The following USP13 variants were observed in gnomAD, a reference collection of about 807,000 sequenced individuals.
USP13 encodes the protein ubiquitin specific peptidase 13.
A neutral mutation model predicts 107.8 loss-of-function variants in USP13; 68 were observed. That is an observed-to-expected ratio of 0.63 (90% CI 0.52 to 0.77). The LOEUF (loss-of-function observed/expected upper bound fraction) is 0.77, where lower values mean the gene tolerates loss of function less well. USP13 is among the 30% of genes least tolerant of loss of function. The pLI is 0.00. For synonymous variants in USP13, 377 were observed against 389.5 expected (o/e 0.97, Z 0.38); for missense variants, 945 against 1,093.3 (o/e 0.86, Z 1.91).
chr3:179,741,453 C>CT (rs964867559), intron 11 of USP13, among the ~76,000 whole-genome samples: 30 of 147,898 alleles, frequency 2.0e-4, no homozygotes, highest in Middle Eastern at 3.6e-3. Flanking sequence ...TTAGTGATAA[C>CT]TTTTTTTTTT....
intron 1 of USP13, among the ~76,000 whole-genome samples, chr3:179,676,171 C>T (rs1024288191): frequency 6.6e-6 from 1 of 152,182 alleles, no homozygotes; most frequent in African/African-American, 2.4e-5. Context: ...CTTCACCTTC[C>T]GCCATGATTT....
intron 10 of USP13, among the ~76,000 whole-genome samples, chr3:179,739,278 G>C (rs1370571206): frequency 6.6e-6 from 1 of 152,202 alleles, no homozygotes; most frequent in Non-Finnish European, 1.5e-5. Context: ...CGTCCTGCCA[G>C]AGTTGCCCTG....
intron 6 of USP13, among the ~76,000 whole-genome samples, chr3:179,710,464 C>G (rs769828642): frequency 1.3e-5 from 2 of 152,194 alleles, no homozygotes; most frequent in Admixed American, 6.5e-5. Context: ...GTTCTCAGAA[C>G]AGCCTGTTCA....
chr3:179,675,534 ATT>A (rs1306843567), intron 1 of USP13, among the ~76,000 whole-genome samples: 204 of 122,764 alleles, frequency 1.7e-3, no homozygotes, highest in African/African-American at 6.4e-3. Context: ...TCTGTAACCT[ATT>A]TTATTATTAT....
At position 179,745,094 on chromosome 3, in the gene USP13, G is replaced by T. The variant is rs145621262; in HGVS notation, c.1586G>T (p.Arg529Ile). 1.1e-4 allele frequency: 170 copies of T among 1,614,168 alleles called. 1 individual carries two copies. Among genetic ancestry groups the T allele is most frequent in the Non-Finnish European group, 1.4e-4 (162 of 1,180,038 alleles). ...AGAAGGGAAGCAGAAGCAAACAGAA[G>T]ACCCCTTCCTGAGTTGGTACGTGCC... is the stretch of plus-strand genomic sequence containing the variant. ...LTRREAEANRRPLPELVRAKI... is the reference protein window; with the variant it reads ...LTRREAEANRIPLPELVRAKI... The change falls in exon 13 of 21, where the codon AGA (arginine) becomes ATA (isoleucine). Residue 529 changes from arginine to isoleucine, a missense_variant. Arg to Ile is a moderately conservative substitution (Grantham distance 97, BLOSUM62 -3). Coordinates refer to ENST00000263966, the MANE Select transcript of USP13 (RefSeq NM_003940.3).
chr3:179,773,948 T>C (rs1400487654), intron 19 of USP13, among the ~76,000 whole-genome samples: 1 of 151,698 alleles, frequency 6.6e-6, no homozygotes, highest in South Asian at 2.1e-4. Flanking sequence ...AGTAGTGTGT[T>C]AGTAGTTTTA....
chr3:179,660,053 C>T (rs1344255945), intron 1 of USP13, among the ~76,000 whole-genome samples: 2 of 152,106 alleles, frequency 1.3e-5, no homozygotes, highest in Non-Finnish European at 2.9e-5. Flanking sequence ...AAAAAACAAA[C>T]AAACAAAACA....
At chr3:179,663,907 G>A (rs1413822641) in intron 1 of USP13, among the ~76,000 whole-genome samples, 1 of 152,170 alleles carries the variant, frequency 6.6e-6, no homozygotes, top group Non-Finnish European at 1.5e-5. Flanking sequence ...AGCCAGCTCA[G>A]ATGTTCTTTG....
intron 10 of USP13, among the ~76,000 whole-genome samples, chr3:179,734,831 A>G (rs950499563): frequency 2.0e-5 from 3 of 152,186 alleles, no homozygotes; most frequent in Non-Finnish European, 4.4e-5. Context: ...TCTTCCTTTT[A>G]TCCTGTGGTT....
chr3:179,666,177 T>C (rs1720582396), intron 1 of USP13, among the ~76,000 whole-genome samples: 1 of 152,170 alleles, frequency 6.6e-6, no homozygotes, highest in African/African-American at 2.4e-5. Flanking sequence ...AGGTTAGACC[T>C]GAGGGACCAG....
rs1278695486 is a variant in USP13 at position 179,678,884 on chromosome 3, T to A, written c.169-2994T>A. Among the ~76,000 whole-genome samples the A allele has an allele frequency of 6.6e-6, 1 of 152,246 alleles. No individual in the cohort carries two copies. Among genetic ancestry groups the A allele is most frequent in the African/African-American group, 2.4e-5 (1 of 41,474 alleles). The stretch of plus-strand genomic sequence containing the variant: ...TCTTACTAGTTGTTATTTTCACTAG[T>A]GTGTGTAGATTCCTTAGAATTTTCA... On this transcript the variant is annotated intron_variant, in intron 1 of 20. Coordinates refer to ENST00000263966, the MANE Select transcript of USP13 (RefSeq NM_003940.3). This position sits in a 1 kb window ranked among gnomAD's most constrained non-coding sequence, Gnocchi z 4.2.
In USP13 at chr3:179,784,807, C is replaced by T. The variant is rs898708999; in HGVS notation, c.*666C>T. The T allele has an allele frequency of 1.3e-5, 2 of 152,230 alleles. No homozygotes were observed. Among genetic ancestry groups the T allele is most frequent in the South Asian group, 4.2e-4 (2 of 4,818 alleles). 9.4% of individuals were successfully genotyped at this position (152,230 alleles called of 1,614,324 possible). A position where few individuals can be genotyped will look rare whatever the true frequency, so the allele number is the denominator to read the frequency against. Reference sequence around the variant, plus strand: ...AGTGAGTCCACTAGAAAATCTGTGACAAGTTGGTTTTTAAAGTCTGAACAG... The same window carrying T: ...AGTGAGTCCACTAGAAAATCTGTGATAAGTTGGTTTTTAAAGTCTGAACAG... On this transcript the variant is annotated 3_prime_UTR_variant, in exon 21 of 21. Transcript: ENST00000263966.
At chr3:179,671,284 G>A (rs538405888) in intron 1 of USP13, among the ~76,000 whole-genome samples, 86 of 152,258 alleles carry the variant, frequency 5.6e-4, no homozygotes, top group African/African-American at 2.0e-3. Flanking sequence ...ACTTTGAGTA[G>A]TGGGAATATA....
chr3:179,734,028 C>T (rs796334913), intron 10 of USP13, among the ~76,000 whole-genome samples: 18 of 152,206 alleles, frequency 1.2e-4, no homozygotes, highest in African/African-American at 4.3e-4. Flanking sequence ...CAAAAGGGGG[C>T]GTTTGAAGTT....
chr3:179,748,802 A>G (rs892135042), intron 13 of USP13, among the ~76,000 whole-genome samples: 39 of 152,160 alleles, frequency 2.6e-4, no homozygotes, highest in African/African-American at 9.4e-4. Flanking sequence ...TAGATGCCCA[A>G]TGTTTGAATG....
At chr3:179,770,575 G>T (rs1204508375) in intron 19 of USP13, among the ~76,000 whole-genome samples, 1 of 151,786 alleles carries the variant, frequency 6.6e-6, no homozygotes, top group African/African-American at 2.4e-5. Context: ...TACTTTTTCT[G>T]GTTGGTGAAT....
Position 179,784,169 on chromosome 3 carries a change from A to G in USP13, c.*28A>G, listed in dbSNP as rs200310337. 134 of 1,551,900 alleles carry G rather than the reference A, an allele frequency of 8.6e-5. 1 individual carries two copies. In the African/African-American group the frequency reaches 1.7e-3, roughly 19 times the overall value. On this transcript the variant is annotated 3_prime_UTR_variant, in exon 21 of 21. Transcript: ENST00000263966. ...CTCAAATATAAAAATTGGCGAAAAG[A>G]AGCCATACGCCTTTTTAATTTGCCA...
chr3:179,764,116 T>C lies in USP13; in HGVS notation c.2207T>C (p.Ile736Thr). Residue 736 changes from isoleucine (I) to threonine (T), a missense_variant, in exon 18 of 21, where the codon ATC becomes ACC. Ile to Thr is a moderately conservative substitution (Grantham distance 89). Coordinates refer to ENST00000263966, the MANE Select transcript of USP13 (RefSeq NM_003940.3). ...NQPPEEIVAIITSMGFQRNQA... is the reference protein window; with the variant it reads ...NQPPEEIVAITTSMGFQRNQA... ...CCTCCAGAGGAAATCGTAGCTATCA[T>C]CACCTCCATGGGATTTCAGCGAAAT... 1.9e-6 allele frequency: 3 copies of C among 1,613,966 alleles called. No homozygotes were observed. Among genetic ancestry groups the C allele is most frequent in the Non-Finnish European group, 2.5e-6 (3 of 1,180,010 alleles).
rs1476493205 is a variant in USP13 at position 179,784,687 on chromosome 3, A to G, written c.*546A>G. 1 of 152,238 alleles carries G rather than the reference A, an allele frequency of 6.6e-6. No homozygotes were observed. Among genetic ancestry groups the G allele is most frequent in the Non-Finnish European group, 1.5e-5 (1 of 68,064 alleles). 9.4% of individuals were successfully genotyped at this position (152,238 alleles called of 1,614,324 possible). A position where few individuals can be genotyped will look rare whatever the true frequency, so the allele number is the denominator to read the frequency against. On this transcript the variant is annotated 3_prime_UTR_variant, in exon 21 of 21. Coordinates refer to ENST00000263966, the MANE Select transcript of USP13 (RefSeq NM_003940.3). ...CTCTGTCCATAATAGAGCCTCTGCAATGAAAGATATTTTTAATTTGTCACA... is the reference window on the plus strand; with the variant it reads ...CTCTGTCCATAATAGAGCCTCTGCAGTGAAAGATATTTTTAATTTGTCACA...
Sources: gnomAD v4.1 joint callset for allele counts (sites outside exome capture counted in the v4.1 genomes callset) on GRCh38, gnomAD v4.1.1 for gene constraint, Gnocchi (gnomAD v3.1) non-coding constraint, MANE v1.5 for transcripts, NCBI Gene and HGNC (gene_info 2026-07-23, HGNC 2026-07-21) for gene names.